KCNIP1: variants seen among roughly 807,000 people sequenced by gnomAD.
The protein encoded by KCNIP1 is A-type potassium channel modulatory protein KCNIP1.
In KCNIP1, 18 loss-of-function variants were observed where a neutral mutation model predicts 33.0. The ratio of observed to expected loss-of-function variants is 0.55; its 90% CI spans 0.38 to 0.81. The LOEUF is 0.81. KCNIP1 is among the 30% of genes least tolerant of loss of function. The pLI is 0.00. For missense variants in KCNIP1, 238 were observed against 271.6 expected, an observed-to-expected ratio of 0.88 and a Z score of 0.87; for synonymous variants, 93 against 98.3, an observed-to-expected ratio of 0.95 and a Z score of 0.32.
intron 1 of KCNIP1, among the ~76,000 whole-genome samples, chr5:170,700,064 C>A (rs564851853): frequency 1.3e-5 from 2 of 152,296 alleles, no homozygotes; most frequent in Admixed American, 1.3e-4. Context: ...TGCCTCCCAC[C>A]CCTCTGGGCC....
intron 1 of KCNIP1, among the ~76,000 whole-genome samples, chr5:170,516,358 G>T (rs1755120512): frequency 6.6e-6 from 1 of 152,186 alleles, no homozygotes; most frequent in South Asian, 2.1e-4. Context: ...AAACACGCTT[G>T]ACTCTCCAGC....
intron 1 of KCNIP1, among the ~76,000 whole-genome samples, chr5:170,475,186 A>G (rs765507210): frequency 6.6e-6 from 1 of 152,194 alleles, no homozygotes; most frequent in Non-Finnish European, 1.5e-5. Flanking sequence ...ATCCCCTTGT[A>G]AGACAGAAAA....
chr5:170,482,453 C>T (rs1756998421), intron 1 of KCNIP1, among the ~76,000 whole-genome samples: 1 of 152,182 alleles, frequency 6.6e-6, no homozygotes. Context: ...TATCATAAAA[C>T]CCTTACAACA....
intron 1 of KCNIP1, among the ~76,000 whole-genome samples, chr5:170,529,213 C>G (rs1755696266): frequency 6.6e-6 from 1 of 152,216 alleles, no homozygotes; most frequent in Admixed American, 6.5e-5. Context: ...TCTCTTCTGT[C>G]TTGGCTTCAT....
intron 1 of KCNIP1, among the ~76,000 whole-genome samples, chr5:170,679,823 T>C (rs1049997984): frequency 7.2e-5 from 11 of 152,132 alleles, no homozygotes; most frequent in Non-Finnish European, 1.6e-4. Flanking sequence ...ACTCCTTTTA[T>C]GTATGCACTA....
At chr5:170,410,425 C>A (rs1223702478) in intron 1 of KCNIP1, among the ~76,000 whole-genome samples, 1 of 152,262 alleles carries the variant, frequency 6.6e-6, no homozygotes, top group Non-Finnish European at 1.5e-5. Context: ...ACCGGGTCCC[C>A]CACACAGGGG....
chr5:170,574,478 A>G (rs1757526186), intron 1 of KCNIP1, among the ~76,000 whole-genome samples: 1 of 152,222 alleles, frequency 6.6e-6, no homozygotes, highest in Non-Finnish European at 1.5e-5. Context: ...AAATGTTTGA[A>G]AGCAAAAGTT....
At chr5:170,386,821 T>C (rs1764493419) in intron 1 of KCNIP1, among the ~76,000 whole-genome samples, 1 of 152,142 alleles carries the variant, frequency 6.6e-6, no homozygotes, top group African/African-American at 2.4e-5. Context: ...GGGCACATTC[T>C]GCTGGTGGTT....
At chr5:170,560,403 C>G (rs1408773521) in intron 1 of KCNIP1, among the ~76,000 whole-genome samples, 1 of 152,114 alleles carries the variant, frequency 6.6e-6, no homozygotes, top group Non-Finnish European at 1.5e-5. Context: ...CCTGGCAAAG[C>G]CCCAGAAAAT....
chr5:170,517,633 T>C (rs1180590703), intron 1 of KCNIP1, among the ~76,000 whole-genome samples: 1 of 151,156 alleles, frequency 6.6e-6, no homozygotes, highest in Non-Finnish European at 1.5e-5. Flanking sequence ...ATGATGGTGA[T>C]ATGGTAGTAT....
upstream of KCNIP1, among the ~76,000 whole-genome samples, chr5:170,501,862 C>T (rs1176955974): frequency 6.6e-6 from 1 of 152,216 alleles, no homozygotes; most frequent in African/African-American, 2.4e-5. Flanking sequence ...GCCTCGCATG[C>T]CCTCTTCTCG....
chr5:170,383,333 C>A, intron 1 of KCNIP1: 1 of 563,484 alleles, frequency 1.8e-6, no homozygotes, highest in Non-Finnish European at 3.2e-6. Flanking sequence ...GTTTGAGTGC[C>A]CACTATCCAC....
At chr5:170,532,870 T>C (rs1261415262) in intron 1 of KCNIP1, among the ~76,000 whole-genome samples, 1 of 152,112 alleles carries the variant, frequency 6.6e-6, no homozygotes, top group African/African-American at 2.4e-5. Flanking sequence ...CTTCTCCTCT[T>C]CCTCCTCTCC....
At chr5:170,359,669 A>G (rs1333494522) in intron 1 of KCNIP1, among the ~76,000 whole-genome samples, 1 of 152,124 alleles carries the variant, frequency 6.6e-6, no homozygotes, top group Non-Finnish European at 1.5e-5. Context: ...CCCAAGCTAG[A>G]GCCTGCCAGG....
intron 1 of KCNIP1, among the ~76,000 whole-genome samples, chr5:170,693,329 C>CA (rs558468241): frequency 3.9e-5 from 6 of 152,326 alleles, no homozygotes; most frequent in Admixed American, 3.9e-4. Flanking sequence ...AGCCCCCACT[C>CA]AGTCTACCAG....
intron 7 of KCNIP1, among the ~76,000 whole-genome samples, chr5:170,734,190 T>C: frequency 7.1e-6 from 1 of 140,520 alleles, no homozygotes; most frequent in East Asian, 5.7e-4. Context: ...GGCAACACCA[T>C]TATTTTTTAG....
chr5:170,649,475 C>G (rs1760944787), intron 1 of KCNIP1, among the ~76,000 whole-genome samples: 1 of 152,136 alleles, frequency 6.6e-6, no homozygotes, highest in Non-Finnish European at 1.5e-5. Flanking sequence ...TGAGTGGGAG[C>G]TGAAATCCAG....
upstream of KCNIP1, chr5:170,503,985 C>CCCGCCCGCCGCCCCCTCCGCCGCCCCCT (rs1561655476): frequency 2.1e-6 from 2 of 937,802 alleles, no homozygotes; most frequent in African/African-American, 3.6e-5. Context: ...TAGTTGCCCG[C>CCCGCCCGCCGCCCCCTCCGCCGCCCCCT]CCGCCGCCCC....
chr5:170,703,193 C>T (rs28607105), intron 1 of KCNIP1, among the ~76,000 whole-genome samples: 28,079 of 136,708 alleles, frequency 0.21, 6,718 homozygotes, highest in African/African-American at 0.35. Context: ...TGTCTCTAGA[C>T]CACCACCAAA....
Sources: gnomAD v4.1 joint callset for allele counts (sites outside exome capture counted in the v4.1 genomes callset) on GRCh38, gnomAD v4.1.1 for gene constraint, MANE v1.5 for transcripts, NCBI Gene and HGNC (gene_info 2026-07-23, HGNC 2026-07-21) for gene names.